DCC: variants seen among roughly 807,000 people sequenced by gnomAD.
DCC encodes DCC netrin 1 receptor, also known as netrin receptor DCC.
A neutral mutation model predicts 172.5 loss-of-function variants in DCC; 58 were observed. That is an observed-to-expected ratio of 0.34 (90% CI 0.27 to 0.42). DCC has a LOEUF of 0.42. DCC is among the 10% of genes least tolerant of loss of function. The pLI is 1.00. For missense variants in DCC, 1,740 were observed against 1,791.0 expected (o/e 0.97, Z 0.51); for synonymous variants, 709 against 644.5 (o/e 1.10, Z -1.52).
At chr18:53,181,274 C>G (rs1202534444) in intron 9 of DCC, among the ~76,000 whole-genome samples, 2 of 152,144 alleles carry the variant, frequency 1.3e-5, no homozygotes, top group East Asian at 3.9e-4. Flanking sequence ...GTCATGATTA[C>G]ATTGCATTTC....
chr18:53,487,909 A>C (rs1392935704), intron 26 of DCC, among the ~76,000 whole-genome samples: 1 of 152,338 alleles, frequency 6.6e-6, no homozygotes, highest in Non-Finnish European at 1.5e-5. Context: ...TAGAAAGTCT[A>C]ATAACCAAAA....
At chr18:53,031,597 GAAA>G (rs1222733454) in intron 5 of DCC, among the ~76,000 whole-genome samples, 2 of 151,292 alleles carry the variant, frequency 1.3e-5, no homozygotes, top group African/African-American at 4.9e-5. Context: ...AAATTTGAGT[GAAA>G]AAAAGGAAAG....
At chr18:52,627,985 C>T (rs950322825) in intron 1 of DCC, among the ~76,000 whole-genome samples, 6 of 152,110 alleles carry the variant, frequency 3.9e-5, no homozygotes, top group African/African-American at 1.4e-4. Context: ...TTTCAGAAAA[C>T]TCTGAGGTTC....
At position 52,541,720 on chromosome 18, in the gene DCC, T is replaced by A. The variant is rs2032453306; in HGVS notation, c.91+200842T>A. On this transcript the variant is annotated intron_variant, in intron 1 of 28. Transcript: ENST00000442544. ...CTTGGCTTTTCATCCTTGATATTCTTGTTAAATGGTGTCAGTGGTTCTGAA... is the reference window on the plus strand; with the variant it reads ...CTTGGCTTTTCATCCTTGATATTCTAGTTAAATGGTGTCAGTGGTTCTGAA... 3.9e-5 allele frequency among the ~76,000 whole-genome samples: 6 copies of A among 152,046 alleles called. No homozygotes were observed. In the South Asian group the frequency reaches 1.2e-3, roughly 32 times the overall value.
chr18:53,529,026 TCTCTCTCTCTCTCACACACACA>T (rs1421068574), intron 28 of DCC, among the ~76,000 whole-genome samples: 11 of 65,122 alleles, frequency 1.7e-4, no homozygotes, highest in African/African-American at 7.0e-4. Context: ...TCTCTCTCTC[TCTCTCTCTCTCTCACACACACA>T]CACACACACA....
At chr18:53,106,472 G>A (rs991252966) in intron 7 of DCC, among the ~76,000 whole-genome samples, 3 of 152,026 alleles carry the variant, frequency 2.0e-5, no homozygotes, top group East Asian at 1.9e-4. Flanking sequence ...CCTGTTCAGC[G>A]GGTGCTGACT....
chr18:52,368,270 T>C (rs1984965026), intron 1 of DCC, among the ~76,000 whole-genome samples: 1 of 152,246 alleles, frequency 6.6e-6, no homozygotes, highest in Non-Finnish European at 1.5e-5. Context: ...TTTCTTTTTT[T>C]CATGAACATG....
chr18:53,022,146 T>A (rs1317481045), intron 5 of DCC, among the ~76,000 whole-genome samples: 2 of 152,166 alleles, frequency 1.3e-5, no homozygotes, highest in Non-Finnish European at 2.9e-5. Flanking sequence ...AAATATCTTT[T>A]CAGGAAAATA....
intron 1 of DCC, among the ~76,000 whole-genome samples, chr18:52,533,974 T>C (rs1299330427): frequency 6.6e-6 from 1 of 152,144 alleles, no homozygotes; most frequent in Admixed American, 6.6e-5. Flanking sequence ...ACTTTGTGAC[T>C]GGCTTATTTC....
intron 12 of DCC, among the ~76,000 whole-genome samples, chr18:53,272,030 G>A (rs2056754980): frequency 6.6e-6 from 1 of 152,160 alleles, no homozygotes; most frequent in South Asian, 2.1e-4. Context: ...GTTGTGATAA[G>A]ATGTTTCAGT....
chr18:52,784,144 T>A (rs1291828994), intron 2 of DCC, among the ~76,000 whole-genome samples: 1 of 151,998 alleles, frequency 6.6e-6, no homozygotes, highest in Non-Finnish European at 1.5e-5. Flanking sequence ...TGAGATCAAC[T>A]TTTTTTGCTC....
chr18:52,497,252 C>A (rs1343404466), intron 1 of DCC, among the ~76,000 whole-genome samples: 4 of 67,730 alleles, frequency 5.9e-5, no homozygotes, highest in African/African-American at 2.2e-4. Context: ...CAGAGTGAGA[C>A]CCTGTATCAA....
At chr18:53,052,390 C>T (rs2042345479) in intron 5 of DCC, among the ~76,000 whole-genome samples, 1 of 151,992 alleles carries the variant, frequency 6.6e-6, no homozygotes, top group Admixed American at 6.6e-5. Context: ...CTCTTCCTCC[C>T]TCCCCATCCC....
At chr18:53,102,227 C>T (rs1290541273) in intron 7 of DCC, among the ~76,000 whole-genome samples, 2 of 152,110 alleles carry the variant, frequency 1.3e-5, no homozygotes, top group Non-Finnish European at 2.9e-5. Flanking sequence ...GCCAGCATCC[C>T]TTTTTCATAG....
At chr18:52,876,093 G>T (rs1309662475) in intron 2 of DCC, among the ~76,000 whole-genome samples, 1 of 151,914 alleles carries the variant, frequency 6.6e-6, no homozygotes, top group African/African-American at 2.4e-5. Context: ...CATTTATCCA[G>T]GGAAATTCTA....
At chr18:52,828,903 C>T (rs558845808) in intron 2 of DCC, among the ~76,000 whole-genome samples, 18 of 152,150 alleles carry the variant, frequency 1.2e-4, no homozygotes, top group Admixed American at 2.0e-4. Context: ...TGCTTTTATT[C>T]CAATTTAATC....
chr18:52,799,898 T>C (rs1452412936), intron 2 of DCC, among the ~76,000 whole-genome samples: 1 of 152,204 alleles, frequency 6.6e-6, no homozygotes, highest in African/African-American at 2.4e-5. Context: ...TGTGGATATT[T>C]TAAGCTCTAA....
chr18:52,527,339 C>T (rs1296526701), intron 1 of DCC, among the ~76,000 whole-genome samples: 1 of 152,148 alleles, frequency 6.6e-6, no homozygotes. Flanking sequence ...AGATGTTATG[C>T]ATTAATACAT....
intron 7 of DCC, among the ~76,000 whole-genome samples, chr18:53,153,500 C>T (rs1411550803): frequency 1.3e-5 from 2 of 152,118 alleles, no homozygotes; most frequent in African/African-American, 2.4e-5. Context: ...CCCTGGCCGA[C>T]ATGAGATATT....
Sources: allele counts gnomAD v4.1 joint callset (sites outside exome capture counted in the v4.1 genomes callset), GRCh38; gene constraint gnomAD v4.1.1; transcripts MANE v1.5; gene names NCBI Gene and HGNC (gene_info 2026-07-23, HGNC 2026-07-21).